Variants in STRN observed in about 807,000 individuals in gnomAD.
STRN encodes striatin.
A neutral mutation model predicts 96.3 loss-of-function variants in STRN; 53 were observed. The observed-to-expected ratio is 0.55, with a 90% CI of 0.44 to 0.69. The LOEUF (loss-of-function observed/expected upper bound fraction) is 0.69. Ranked by LOEUF, STRN falls within the 30% of genes least tolerant of loss-of-function variation. The probability of loss-of-function intolerance (pLI) is 0.00; values close to 1 mark genes in which losing one functional copy is unlikely to be tolerated. For synonymous variants in STRN, 428 were observed against 355.9 expected (o/e 1.20, Z -2.28); for missense variants, 987 against 963.9 (o/e 1.02, Z -0.32).
intron 1 of STRN, among the ~76,000 whole-genome samples, chr2:36,954,721 C>A (rs995675450): frequency 2.0e-5 from 3 of 151,426 alleles, no homozygotes; most frequent in African/African-American, 7.3e-5. Flanking sequence ...ACTGCAACCT[C>A]TGCCTCCTGG....
At chr2:36,869,165 A>C (rs1668703738) in intron 11 of STRN, among the ~76,000 whole-genome samples, 1 of 152,190 alleles carries the variant, frequency 6.6e-6, no homozygotes, top group Non-Finnish European at 1.5e-5. Flanking sequence ...CATAAGTCTA[A>C]ATCTAGTAAA....
intron 1 of STRN, among the ~76,000 whole-genome samples, chr2:36,951,517 A>G (rs930890713): frequency 2.0e-5 from 3 of 152,246 alleles, no homozygotes; most frequent in African/African-American, 7.2e-5. Context: ...CACTAAATTT[A>G]TGACAAACAT....
intron 6 of STRN, among the ~76,000 whole-genome samples, chr2:36,895,050 G>C (rs752979467): frequency 6.6e-6 from 1 of 152,084 alleles, no homozygotes; most frequent in African/African-American, 2.4e-5. Flanking sequence ...AGGAGTGGCC[G>C]GGCCCGGTGG....
Position 36,849,530 on chromosome 2 carries a change from C to T in STRN, c.2269G>A (p.Asp757Asn). ...CATTTGGATGGGTGGAAAGCTACAT[C>T]ATGAATCGATTCTTCAAACTTTTTT... ...HRKKFEESIH[D>N]VAFHPSKCYI... is the part of the protein sequence containing the mutation. Residue 757 changes from aspartate (D) to asparagine (N), a missense_variant, in exon 18 of 18, where the codon GAT becomes AAT. Transcript: ENST00000263918. 1 of 1,614,140 alleles carries T rather than the reference C, an allele frequency of 6.2e-7. No homozygotes were observed. The highest frequency in any genetic ancestry group is 8.5e-7 in the Non-Finnish European group (1 of 1,180,006).
At chr2:36,890,405 G>C (rs920888278) in intron 7 of STRN, among the ~76,000 whole-genome samples, 10 of 151,600 alleles carry the variant, frequency 6.6e-5, no homozygotes, top group Non-Finnish European at 7.4e-5. Flanking sequence ...CAAAAGTAAA[G>C]GCATATGAAA....
chr2:36,964,196 A>C (rs1165863269), intron 1 of STRN, among the ~76,000 whole-genome samples: 1 of 131,092 alleles, frequency 7.6e-6, no homozygotes, highest in African/African-American at 3.1e-5. Flanking sequence ...GGGGGGAAGG[A>C]TGGGTTGGAA....
chr2:36,894,170 CAT>C (rs547914984), intron 6 of STRN, 137 bp from the exon 7 acceptor site: 118 of 980,066 alleles, frequency 1.2e-4, no homozygotes, highest in African/African-American at 9.6e-4. Context: ...GTGAAAATCA[CAT>C]AGTTTTAAAA....
At position 36,906,341 on chromosome 2, in the gene STRN, C is replaced by G. The variant is rs564180097; in HGVS notation, c.413-723G>C. Among the ~76,000 whole-genome samples, 76 of 151,908 alleles carry G rather than the reference C, an allele frequency of 5.0e-4. 1 individual carries two copies. The highest frequency in any genetic ancestry group is 2.5e-3 in the South Asian group (12 of 4,800). ...GGGCATAGTGGCACGCAGCTGTGGT[C>G]CCAGCTACTAGGGAGGCTTAGGTGG... On this transcript the variant is annotated intron_variant, in intron 3 of 17. Transcript: ENST00000263918.
rs956474445 is a variant in STRN, at chr2:36,845,293, T to G, written c.*4163A>C. 1 of 152,292 alleles carries G rather than the reference T, an allele frequency of 6.6e-6. No homozygotes were observed. Among genetic ancestry groups the G allele is most frequent in the East Asian group, 1.9e-4 (1 of 5,180 alleles). 9.4% of individuals were successfully genotyped at this position (152,292 alleles called of 1,614,324 possible). A position where few individuals can be genotyped will look rare whatever the true frequency, so the allele number is the denominator to read the frequency against. The stretch of plus-strand genomic sequence containing the variant: ...AAAATTAATTCTAAGCCTTTCAGTC[T>G]GATTTGTGACATCTTAATACAATAT... On this transcript the variant is annotated 3_prime_UTR_variant, in exon 18 of 18. Transcript: ENST00000263918.
chr2:36,911,207 G>C (rs78058526), intron 3 of STRN, among the ~76,000 whole-genome samples: 4,597 of 152,178 alleles, frequency 0.03, 110 homozygotes, highest in East Asian at 0.12. Flanking sequence ...AAATCAATAT[G>C]CATGTAGGAG....
chr2:36,890,892 G>A (rs538508782), intron 7 of STRN, among the ~76,000 whole-genome samples: 1 of 152,198 alleles, frequency 6.6e-6, no homozygotes, highest in Non-Finnish European at 1.5e-5. Flanking sequence ...GGACTTAGAA[G>A]TATAATCAGT....
chr2:36,878,721 A>G (rs753624683), intron 9 of STRN, among the ~76,000 whole-genome samples: 12 of 151,676 alleles, frequency 7.9e-5, no homozygotes, highest in Non-Finnish European at 1.5e-4. Context: ...ATTATAGTTC[A>G]TCTAAAATTT....
intron 9 of STRN, among the ~76,000 whole-genome samples, chr2:36,879,632 G>A (rs531077660): frequency 6.6e-6 from 1 of 152,160 alleles, no homozygotes. Context: ...GTCAGAGATA[G>A]TCTTTGAGTA....
chr2:36,886,659 C>G (rs2148178109), intron 8 of STRN, 57 bp downstream of exon 8: 1 of 1,292,620 alleles, frequency 7.7e-7, no homozygotes, highest in Non-Finnish European at 1.1e-6. Context: ...AAAAAAAAAA[C>G]TGGGGGATGT....
At chr2:36,950,602 G>A (rs2148267537) in intron 1 of STRN, among the ~76,000 whole-genome samples, 1 of 152,246 alleles carries the variant, frequency 6.6e-6, no homozygotes, top group East Asian at 1.9e-4. Flanking sequence ...TTGATTATAT[G>A]CCCCATGTGA....
At chr2:36,857,197 G>A (rs934536755) in intron 14 of STRN, among the ~76,000 whole-genome samples, 2 of 151,548 alleles carry the variant, frequency 1.3e-5, no homozygotes, top group Non-Finnish European at 2.9e-5. Context: ...AAAGTGCTAG[G>A]ATTACAGGTG....
At chr2:36,881,871 C>A (rs1669079750) in intron 9 of STRN, among the ~76,000 whole-genome samples, 1 of 152,044 alleles carries the variant, frequency 6.6e-6, no homozygotes, top group Non-Finnish European at 1.5e-5. Context: ...TTATCTAGAC[C>A]TGATTTTGGG....
intron 12 of STRN, 148 bp downstream of exon 12, chr2:36,867,666 T>C: frequency 4.4e-6 from 2 of 455,752 alleles, no homozygotes. Flanking sequence ...AACTTCGTTT[T>C]AGCATTATAT....
intron 7 of STRN, among the ~76,000 whole-genome samples, chr2:36,893,486 C>T (rs1319138094): frequency 6.6e-6 from 1 of 152,102 alleles, no homozygotes; most frequent in Non-Finnish European, 1.5e-5. Flanking sequence ...ACTGTCAAAT[C>T]TTTATGATAA....
Sources: allele counts gnomAD v4.1 joint callset (sites outside exome capture counted in the v4.1 genomes callset), GRCh38; gene constraint gnomAD v4.1.1; transcripts MANE v1.5; gene names NCBI Gene and HGNC (gene_info 2026-07-23, HGNC 2026-07-21).